Variants in TIAM1 observed in about 807,000 individuals in gnomAD.
TIAM1 encodes the protein rho guanine nucleotide exchange factor TIAM1.
In TIAM1, 65 loss-of-function variants were observed where a neutral mutation model predicts 163.5. The observed-to-expected ratio is 0.40, with a 90% CI of 0.33 to 0.49. The LOEUF (loss-of-function observed/expected upper bound fraction) is 0.49, where lower values mean the gene tolerates loss of function less well. TIAM1 is among the 20% of genes least tolerant of loss of function. TIAM1 has a pLI of 0.77. For synonymous variants in TIAM1, 833 were observed against 810.1 expected, an observed-to-expected ratio of 1.03 and a Z score of -0.48; for missense variants, 1,789 against 2,044.7, an observed-to-expected ratio of 0.87 and a Z score of 2.41.
chr21:31,247,842 A>C (rs1027146389), intron 5 of TIAM1, among the ~76,000 whole-genome samples: 1 of 152,242 alleles, frequency 6.6e-6, no homozygotes, highest in African/African-American at 2.4e-5. Flanking sequence ...GAAAAAGCAG[A>C]ATAATCTGTA....
intron 3 of TIAM1, among the ~76,000 whole-genome samples, chr21:31,270,879 C>T (rs2073026741): frequency 6.6e-6 from 1 of 152,174 alleles, no homozygotes. Flanking sequence ...AGGGCCTGTG[C>T]CTGTCCCTCT....
At chr21:31,188,863 T>G in intron 13 of TIAM1, among the ~76,000 whole-genome samples, 1 of 151,746 alleles carries the variant, frequency 6.6e-6, no homozygotes, top group East Asian at 2.0e-4. Context: ...CTTTCACTAC[T>G]GAGCCTGGCC....
chr21:31,286,452 A>T (rs1258836802), intron 2 of TIAM1, among the ~76,000 whole-genome samples: 2 of 152,118 alleles, frequency 1.3e-5, no homozygotes, highest in Admixed American at 6.6e-5. Context: ...TCATGCCTGC[A>T]ATCTTAGCAC....
chr21:31,372,307 C>G (rs1415396776), intron 2 of TIAM1, among the ~76,000 whole-genome samples: 1 of 152,154 alleles, frequency 6.6e-6, no homozygotes, highest in African/African-American at 2.4e-5. Flanking sequence ...AAAAACTGGG[C>G]TTGAGGAGCT....
chr21:31,195,078 A>G (rs1220735245), intron 13 of TIAM1, 146 bp downstream of exon 13: 5 of 539,006 alleles, frequency 9.3e-6, no homozygotes, highest in East Asian at 2.9e-5. Context: ...GTTATTCCCT[A>G]GTGTGGCTGC....
In TIAM1 at chr21:31,251,718, T is replaced by C. The variant is rs761795497; in HGVS notation, c.1411+24A>G. On this transcript the variant is annotated intron_variant, in intron 5 of 27. Transcript: ENST00000541036. ...CACCTCTATTGGTGCATTTGGCACA[T>C]AGCCGGGGCCCTCCCGCTCTCACCT... The C allele has an allele frequency of 3.2e-6, 5 of 1,550,270 alleles. No homozygotes were observed. In the South Asian group the frequency reaches 6.2e-5, roughly 19 times the overall value.
chr21:31,126,326 T>C (rs1217569915), intron 26 of TIAM1, among the ~76,000 whole-genome samples: 2 of 152,124 alleles, frequency 1.3e-5, no homozygotes, highest in African/African-American at 2.4e-5. Context: ...CCAAGCACTG[T>C]GGCAGGCCGA....
intron 4 of TIAM1, among the ~76,000 whole-genome samples, chr21:31,260,615 C>A (rs1455239271): frequency 2.7e-5 from 4 of 150,084 alleles, no homozygotes. Flanking sequence ...GATATATATT[C>A]TTGTTGAAAA....
chr21:31,406,352 T>C (rs1277766153), intron 2 of TIAM1, among the ~76,000 whole-genome samples: 2 of 152,176 alleles, frequency 1.3e-5, no homozygotes, highest in Non-Finnish European at 2.9e-5. Flanking sequence ...TTTAGCTGGA[T>C]GCATATAGAA....
intron 2 of TIAM1, among the ~76,000 whole-genome samples, chr21:31,428,033 G>T (rs2043860801): frequency 6.6e-6 from 1 of 151,662 alleles, no homozygotes; most frequent in South Asian, 2.1e-4. Flanking sequence ...AGGCCGAAGC[G>T]GGTGGATCAC....
chr21:31,234,857 G>A (rs1292816421), intron 6 of TIAM1, among the ~76,000 whole-genome samples: 1 of 152,020 alleles, frequency 6.6e-6, no homozygotes, highest in Non-Finnish European at 1.5e-5. Context: ...CAGTGATAAG[G>A]AAATGATGCT....
At chr21:31,556,776 TA>T (rs1272686554) in intron 1 of TIAM1, among the ~76,000 whole-genome samples, 1 of 152,236 alleles carries the variant, frequency 6.6e-6, no homozygotes, top group Non-Finnish European at 1.5e-5. Flanking sequence ...GCCTCTTCCT[TA>T]AGTTTTATTT....
intron 2 of TIAM1, among the ~76,000 whole-genome samples, chr21:31,327,437 C>G (rs554992231): frequency 4.0e-5 from 6 of 151,810 alleles, no homozygotes; most frequent in Non-Finnish European, 5.9e-5. Context: ...GTCAGGAGTT[C>G]GAGACCAATC....
intron 6 of TIAM1, among the ~76,000 whole-genome samples, chr21:31,235,791 T>C (rs1399065904): frequency 1.3e-5 from 2 of 152,198 alleles, no homozygotes; most frequent in African/African-American, 4.8e-5. Context: ...AGAAATTGTA[T>C]AGGAAGATCT....
At chr21:31,551,360 C>T (rs1349102792) in intron 1 of TIAM1, among the ~76,000 whole-genome samples, 3 of 148,118 alleles carry the variant, frequency 2.0e-5, no homozygotes, top group East Asian at 2.0e-4. Context: ...CACCAAGCCG[C>T]GATCATGCCA....
At chr21:31,215,576 A>G (rs992213116) in intron 9 of TIAM1, among the ~76,000 whole-genome samples, 1 of 150,776 alleles carries the variant, frequency 6.6e-6, no homozygotes, top group Non-Finnish European at 1.5e-5. Flanking sequence ...AAGAAAAAAA[A>G]AAAAAAAAAA....
intron 1 of TIAM1, among the ~76,000 whole-genome samples, chr21:31,503,206 C>T (rs2046905281): frequency 6.6e-6 from 1 of 151,706 alleles, no homozygotes; most frequent in Non-Finnish European, 1.5e-5. Flanking sequence ...ACCAGCTTGG[C>T]CAACACAGCA....
chr21:31,455,320 G>C (rs2045052605), intron 2 of TIAM1, among the ~76,000 whole-genome samples: 1 of 145,738 alleles, frequency 6.9e-6, no homozygotes, highest in Non-Finnish European at 1.5e-5. Flanking sequence ...ACATAGGCTA[G>C]AAAGTAAGGA....
intron 2 of TIAM1, among the ~76,000 whole-genome samples, chr21:31,309,863 A>G (rs1320539483): frequency 1.3e-5 from 2 of 152,218 alleles, no homozygotes; most frequent in Non-Finnish European, 1.5e-5. Context: ...GGCAAAGAAG[A>G]AAAGTCTCCA....
Sources: gnomAD v4.1 joint callset for allele counts (sites outside exome capture counted in the v4.1 genomes callset) on GRCh38, gnomAD v4.1.1 for gene constraint, MANE v1.5 for transcripts, NCBI Gene and HGNC (gene_info 2026-07-23, HGNC 2026-07-21) for gene names.